RABEP1: variants seen among roughly 807,000 people sequenced by gnomAD.
RABEP1 encodes rabaptin, RAB GTPase binding effector protein 1.
In RABEP1, 51 loss-of-function variants were observed where a neutral mutation model predicts 123.4. That is an observed-to-expected ratio of 0.41 (90% CI 0.33 to 0.52). The LOEUF (loss-of-function observed/expected upper bound fraction) is 0.52. Ranked by LOEUF, RABEP1 falls within the 20% of genes least tolerant of loss-of-function variation. The probability of loss-of-function intolerance (pLI) is 0.16; values close to 1 mark genes in which losing one functional copy is unlikely to be tolerated. For missense variants in RABEP1, 888 were observed against 996.3 expected, an observed-to-expected ratio of 0.89 and a Z score of 1.46; for synonymous variants, 347 against 355.2, an observed-to-expected ratio of 0.98 and a Z score of 0.26.
intron 12 of RABEP1, among the ~76,000 whole-genome samples, chr17:5,369,892 G>T (rs1010594265): frequency 6.6e-6 from 1 of 152,060 alleles, no homozygotes; most frequent in Non-Finnish European, 1.5e-5. Flanking sequence ...TAGAGACGGG[G>T]TTTCTCCATG....
chr17:5,351,030 C>T (rs1165412311), intron 7 of RABEP1, among the ~76,000 whole-genome samples: 1 of 152,044 alleles, frequency 6.6e-6, no homozygotes, highest in Non-Finnish European at 1.5e-5. Context: ...ATTTTTTTTG[C>T]AATCTTTTTT....
At chr17:5,316,277 C>T (rs188367030) in intron 2 of RABEP1, among the ~76,000 whole-genome samples, 476 of 151,314 alleles carry the variant, frequency 3.1e-3, no homozygotes, top group Middle Eastern at 0.01. Context: ...ATGGTGAAAC[C>T]GTGTGTCTAC....
chr17:5,297,818 C>T (rs1332527365), intron 1 of RABEP1, among the ~76,000 whole-genome samples: 1 of 152,190 alleles, frequency 6.6e-6, no homozygotes, highest in Admixed American at 6.5e-5. Flanking sequence ...AATTCCAGAG[C>T]CTGTGCTCTC....
Position 5,285,325 on chromosome 17 carries a change from G to C in RABEP1, c.34+2805G>C, listed in dbSNP as rs2074967777. On this transcript the variant is annotated intron_variant, in intron 1 of 17. Transcript: ENST00000537505. ...TTTTTTTTTTTTCTTTTGTAGAGAGGGTCTCATTGTGTTGCCCAGTCTGGT... is the reference window on the plus strand; with the variant it reads ...TTTTTTTTTTTTCTTTTGTAGAGAGCGTCTCATTGTGTTGCCCAGTCTGGT... Among the ~76,000 whole-genome samples, 3 of 149,992 alleles carry C rather than the reference G, an allele frequency of 2.0e-5. No individual in the cohort carries two copies. The South Asian group carries it at 6.3e-4, about 32-fold the overall frequency.
rs570323300 is a variant in RABEP1, at chr17:5,366,811, C to T, written c.1786-1559C>T. Among the ~76,000 whole-genome samples the T allele has an allele frequency of 2.1e-3, 313 of 151,460 alleles. 2 individuals carry two copies. The highest frequency in any genetic ancestry group is 6.9e-3 in the African/African-American group (286 of 41,308). ...CCTTAATAATGTAGTCAAATTTGGC[C>T]GGGCACGGTGGCTCACACCTGTAAT... is the stretch of plus-strand genomic sequence containing the variant. On this transcript the variant is annotated intron_variant, in intron 11 of 17. Coordinates refer to ENST00000537505, the MANE Select transcript of RABEP1 (RefSeq NM_004703.6).
At chr17:5,294,981 AAT>A (rs906224121) in intron 1 of RABEP1, among the ~76,000 whole-genome samples, 1 of 151,922 alleles carries the variant, frequency 6.6e-6, no homozygotes, top group Admixed American at 6.6e-5. Flanking sequence ...ATATGTATAA[AAT>A]ATGTTTAAAA....
chr17:5,367,371 A>C (rs1271560859), intron 11 of RABEP1, among the ~76,000 whole-genome samples: 1 of 151,612 alleles, frequency 6.6e-6, no homozygotes, highest in Non-Finnish European at 1.5e-5. Flanking sequence ...TCCCAGGTTC[A>C]AGCGATTCTC....
intron 15 of RABEP1, 192 bp downstream of exon 15, chr17:5,378,424 A>G (rs914581712): frequency 4.5e-6 from 3 of 666,500 alleles, no homozygotes; most frequent in African/African-American, 3.6e-5. Flanking sequence ...GTGTCAGGCT[A>G]CGTTAAACTG....
At chr17:5,297,609 A>AC in intron 1 of RABEP1, among the ~76,000 whole-genome samples, 1 of 152,232 alleles carries the variant, frequency 6.6e-6, no homozygotes, top group Non-Finnish European at 1.5e-5. Context: ...TGGGGTGATA[A>AC]TGCCTATTTT....
At chr17:5,311,695 CT>C (rs1432592825) in intron 2 of RABEP1, among the ~76,000 whole-genome samples, 7 of 40,034 alleles carry the variant, frequency 1.7e-4, no homozygotes, top group African/African-American at 6.1e-4. Flanking sequence ...GCGACTTCAT[CT>C]CAAAAAAAAA....
At chr17:5,331,486 A>C (rs957058179) in intron 2 of RABEP1, among the ~76,000 whole-genome samples, 6 of 152,226 alleles carry the variant, frequency 3.9e-5, no homozygotes, top group African/African-American at 1.4e-4. Flanking sequence ...GGGAGCCGAG[A>C]AATTAATGCT....
At chr17:5,350,394 A>G in intron 6 of RABEP1, 57 bp from the exon 7 acceptor site, 1 of 1,555,430 alleles carries the variant, frequency 6.4e-7, no homozygotes, top group South Asian at 1.2e-5. Context: ...AAAAAAAGAA[A>G]TTGCCTACCA....
At chr17:5,367,089 G>C (rs1293241793) in intron 11 of RABEP1, among the ~76,000 whole-genome samples, 1 of 137,954 alleles carries the variant, frequency 7.2e-6, no homozygotes, top group East Asian at 2.1e-4. Flanking sequence ...AACTCCGTCT[G>C]AAAGAAAAAA....
intron 17 of RABEP1, among the ~76,000 whole-genome samples, chr17:5,382,887 T>TCTGGCCTGGC (rs200267711): frequency 3.5e-4 from 53 of 152,018 alleles, no homozygotes; most frequent in African/African-American, 1.2e-3. Flanking sequence ...ACCATTGCAC[T>TCTGGCCTGGC]CTGGCCTGGG....
rs190247350 is a variant in RABEP1, at chr17:5,315,114, C to T, written c.163+6292C>T. On this transcript the variant is annotated intron_variant, in intron 2 of 17. Coordinates refer to ENST00000537505, the MANE Select transcript of RABEP1 (RefSeq NM_004703.6). ...GGTTGTAATTTATATAAAGCTGTTA[C>T]GCTAACTAATCAGAATTTCAATAGT... Among the ~76,000 whole-genome samples, 301 of 152,252 alleles carry T rather than the reference C, an allele frequency of 2.0e-3. 1 individual carries two copies. Among genetic ancestry groups the T allele is most frequent in the Middle Eastern group, 0.014 (4 of 294 alleles).
intron 12 of RABEP1, among the ~76,000 whole-genome samples, chr17:5,372,620 C>T (rs1007838741): frequency 6.6e-6 from 1 of 152,158 alleles, no homozygotes; most frequent in Non-Finnish European, 1.5e-5. Context: ...TCCTTTCTGT[C>T]CAGTGCACGC....
At chr17:5,360,959 T>A (rs1249111218) in intron 8 of RABEP1, 1 of 488,880 alleles carries the variant, frequency 2.0e-6, no homozygotes, top group Non-Finnish European at 3.7e-6. Flanking sequence ...TGCTTACTTA[T>A]CTTTTTTTTT....
At chr17:5,364,030 A>G (rs1489642504) in intron 10 of RABEP1, among the ~76,000 whole-genome samples, 1 of 152,240 alleles carries the variant, frequency 6.6e-6, no homozygotes, top group Non-Finnish European at 1.5e-5. Context: ...CTTCAAGCCA[A>G]TTAGAATGAT....
intron 2 of RABEP1, among the ~76,000 whole-genome samples, chr17:5,324,584 A>G (rs74742027): frequency 0.17 from 25,593 of 152,196 alleles, 2,252 homozygotes; most frequent in Middle Eastern, 0.22. Flanking sequence ...GGATTGCATC[A>G]GGCTAAGAAG....
Sources: allele counts gnomAD v4.1 joint callset (sites outside exome capture counted in the v4.1 genomes callset), GRCh38; gene constraint gnomAD v4.1.1; transcripts MANE v1.5; gene names NCBI Gene and HGNC (gene_info 2026-07-23, HGNC 2026-07-21).